SLC39A8: variants seen among roughly 807,000 people sequenced by gnomAD.
SLC39A8 encodes metal cation symporter ZIP8.
In SLC39A8, 15 loss-of-function variants were observed where a neutral mutation model predicts 40.4. The observed-to-expected ratio is 0.37, with a 90% CI of 0.25 to 0.57. SLC39A8 has a LOEUF of 0.57. Ranked by LOEUF, SLC39A8 falls within the 20% of genes least tolerant of loss-of-function variation. The probability of loss-of-function intolerance (pLI) is 0.75; values close to 1 mark genes in which losing one functional copy is unlikely to be tolerated. For missense variants in SLC39A8, 472 were observed against 558.8 expected, an observed-to-expected ratio of 0.84 and a Z score of 1.57; for synonymous variants, 223 against 221.6, an observed-to-expected ratio of 1.01 and a Z score of -0.06.
At chr4:102,332,947 A>C (rs1043732205) in intron 2 of SLC39A8, among the ~76,000 whole-genome samples, 1 of 152,192 alleles carries the variant, frequency 6.6e-6, no homozygotes, top group African/African-American at 2.4e-5. Context: ...GTTCTCACTC[A>C]TAAGTGGGAA....
intron 2 of SLC39A8, among the ~76,000 whole-genome samples, chr4:102,325,338 C>A (rs564535381): frequency 3.3e-5 from 5 of 152,116 alleles, no homozygotes; most frequent in Admixed American, 1.3e-4. Context: ...TCTTACACTT[C>A]TTACTGAAGT....
chr4:102,323,719 C>T (rs191279976), intron 2 of SLC39A8, among the ~76,000 whole-genome samples: 148 of 152,278 alleles, frequency 9.7e-4, no homozygotes, highest in African/African-American at 2.1e-3. Context: ...AAATTTCTAA[C>T]GGTACAAGAT....
chr4:102,322,812 G>A (rs1315862850), intron 2 of SLC39A8, among the ~76,000 whole-genome samples: 4 of 152,150 alleles, frequency 2.6e-5, no homozygotes, highest in Non-Finnish European at 2.9e-5. Context: ...TGGAGGTAAA[G>A]GCAGGGAGAC....
intron 2 of SLC39A8, among the ~76,000 whole-genome samples, chr4:102,321,944 C>T (rs17278473): frequency 0.3 from 46,339 of 152,104 alleles, 8,066 homozygotes; most frequent in Middle Eastern, 0.41. Flanking sequence ...AGTATATAAG[C>T]CCGAGTGAAT....
intron 6 of SLC39A8, among the ~76,000 whole-genome samples, chr4:102,280,629 T>C (rs1732830346): frequency 6.6e-6 from 1 of 152,224 alleles, no homozygotes; most frequent in African/African-American, 2.4e-5. Context: ...ACTACCAAAA[T>C]GAAGCTTCAC....
At chr4:102,327,127 TG>T in intron 2 of SLC39A8, among the ~76,000 whole-genome samples, 1 of 152,162 alleles carries the variant, frequency 6.6e-6, no homozygotes, top group East Asian at 1.9e-4. Flanking sequence ...CTAAGCATGA[TG>T]GTGCACACCA....
At chr4:102,272,779 G>T (rs558118242) in intron 6 of SLC39A8, among the ~76,000 whole-genome samples, 1 of 152,168 alleles carries the variant, frequency 6.6e-6, no homozygotes, top group South Asian at 2.1e-4. Context: ...AGGATGGTTA[G>T]ACAGTGGGTG....
intron 6 of SLC39A8, among the ~76,000 whole-genome samples, chr4:102,272,422 G>A (rs1732407756): frequency 2.0e-5 from 3 of 148,888 alleles, no homozygotes; most frequent in Non-Finnish European, 4.5e-5. Context: ...GTGACAGAGT[G>A]AGACTCCATC....
chr4:102,256,555 T>C (rs1731712648), intron 11 of SLC39A8, among the ~76,000 whole-genome samples: 1 of 152,250 alleles, frequency 6.6e-6, no homozygotes, highest in Admixed American at 6.5e-5. Context: ...TATTTTTCTC[T>C]GTATGCATAG....
intron 11 of SLC39A8, among the ~76,000 whole-genome samples, chr4:102,253,852 A>T (rs1280339449): frequency 6.6e-6 from 1 of 152,186 alleles, no homozygotes; most frequent in Non-Finnish European, 1.5e-5. Flanking sequence ...CGTACCGCTG[A>T]GTAGCCTGCC....
At position 102,278,769 on chromosome 4, in the gene SLC39A8, G is replaced by GA. The variant is rs1261542222; in HGVS notation, c.841-10691dup. Reference sequence around the variant, plus strand: ...GCCCATCAATGATAGAATGGATAAAGAAAATGTGGCATGTATACACCACGG... The same window carrying GA: ...GCCCATCAATGATAGAATGGATAAAGAAAAATGTGGCATGTATACACCACGG... On this transcript the variant is annotated intron_variant, in intron 6 of 8. Coordinates refer to ENST00000356736, the MANE Select transcript of SLC39A8 (RefSeq NM_001135146.2). Among the ~76,000 whole-genome samples, 9 of 152,276 alleles carry GA rather than the reference G, an allele frequency of 5.9e-5. No individual in the cohort carries two copies. The East Asian group carries it at 1.4e-3, about 23-fold the overall frequency.
At chr4:102,306,930 T>C (rs1734199111) in intron 4 of SLC39A8, among the ~76,000 whole-genome samples, 1 of 152,108 alleles carries the variant, frequency 6.6e-6, no homozygotes, top group Non-Finnish European at 1.5e-5. Flanking sequence ...TTGATATTTT[T>C]TCCACAGTTG....
chr4:102,251,044 G>C (rs465144), downstream of SLC39A8: 94,487 of 152,152 alleles, frequency 0.62, 30,555 homozygotes, highest in African/African-American at 0.8. Flanking sequence ...GCATAGGAAT[G>C]TTTGTTTAAA....
intron 5 of SLC39A8, among the ~76,000 whole-genome samples, chr4:102,304,683 G>A (rs575514646): frequency 3.9e-4 from 58 of 149,458 alleles, no homozygotes; most frequent in African/African-American, 1.2e-3. Context: ...CTGTTTGTTC[G>A]TGTTAGAACA....
At chr4:102,299,090 A>C (rs1381437217) in intron 6 of SLC39A8, among the ~76,000 whole-genome samples, 1 of 151,970 alleles carries the variant, frequency 6.6e-6, no homozygotes, top group Non-Finnish European at 1.5e-5. Context: ...GTACAGTACT[A>C]AAGAAAGGGG....
At chr4:102,318,886 C>T (rs1276969855) in intron 2 of SLC39A8, among the ~76,000 whole-genome samples, 1 of 152,198 alleles carries the variant, frequency 6.6e-6, no homozygotes, top group East Asian at 1.9e-4. Context: ...CTGCTGTTCT[C>T]AAGCATGCTG....
chr4:102,344,430 C>A lies in SLC39A8; in HGVS notation c.219+14G>T. ...CCCACAGTACGGAGGGCTGCCCGGA[C>A]CTGGCGGCCTTACCTGGTTGAAGTG... is the stretch of plus-strand genomic sequence containing the variant. On this transcript the variant is annotated intron_variant, in intron 2 of 8. Coordinates refer to ENST00000356736, the MANE Select transcript of SLC39A8 (RefSeq NM_001135146.2). 6.6e-7 allele frequency: 1 copy of A among 1,507,312 alleles called. No homozygotes were observed. 93.4% of individuals were successfully genotyped at this position (1,507,312 alleles called of 1,614,324 possible).
chr4:102,344,516 C>T lies in SLC39A8; in HGVS notation c.147G>A (p.Gln49=). 6.4e-7 allele frequency: 1 copy of T among 1,558,780 alleles called. No homozygotes were observed. Among genetic ancestry groups the T allele is most frequent in the Non-Finnish European group, 8.7e-7 (1 of 1,152,000 alleles). The part of the protein sequence containing the change: ...ANLSLSAAQL[Q]HLLEQMGAAS... ...CGGCTCCCATCTGCTCCAGCAAGTGCTGGAGCTGCGCCGCCGACAGGCTCA... is the reference window on the plus strand; with the variant it reads ...CGGCTCCCATCTGCTCCAGCAAGTGTTGGAGCTGCGCCGCCGACAGGCTCA... The change falls in exon 2 of 9, where the codon CAG becomes CAA. Residue 49 remains glutamine (Q), a synonymous_variant. Coordinates refer to ENST00000356736, the MANE Select transcript of SLC39A8 (RefSeq NM_001135146.2).
chr4:102,338,279 C>T (rs1004232419), intron 2 of SLC39A8, among the ~76,000 whole-genome samples: 15 of 151,720 alleles, frequency 9.9e-5, no homozygotes, highest in Middle Eastern at 3.4e-3. Flanking sequence ...CTCTGCCTCC[C>T]GGGTTCACGC....
Sources: allele counts gnomAD v4.1 joint callset (sites outside exome capture counted in the v4.1 genomes callset), GRCh38; gene constraint gnomAD v4.1.1; transcripts MANE v1.5; gene names NCBI Gene and HGNC (gene_info 2026-07-23, HGNC 2026-07-21).